Variants in OSBPL10 observed in about 807,000 individuals in gnomAD.
OSBPL10 encodes the protein oxysterol-binding protein-related protein 10.
Under a neutral mutation model 81.7 loss-of-function variants are expected in OSBPL10, and 49 were observed. The ratio of observed to expected loss-of-function variants is 0.60; its 90% confidence interval spans 0.48 to 0.76. The LOEUF (loss-of-function observed/expected upper bound fraction) is 0.76, where lower values mean the gene tolerates loss of function less well. Among genes scored for constraint, OSBPL10 ranks in the 30% least tolerant of loss-of-function variants. The pLI, the probability that OSBPL10 is intolerant of heterozygous loss-of-function variation, is 0.00. For missense variants in OSBPL10, 923 were observed against 987.8 expected (o/e 0.93, Z 0.88); for synonymous variants, 419 against 383.6 (o/e 1.09, Z -1.08).
intron 5 of OSBPL10, among the ~76,000 whole-genome samples, chr3:31,734,750 TA>T (rs148892354): frequency 6.6e-6 from 1 of 151,940 alleles, no homozygotes; most frequent in Non-Finnish European, 1.5e-5. Context: ...AAAAAGCTAA[TA>T]AAAAATAGAT....
At chr3:31,984,378 G>A (rs1006476977), upstream of OSBPL10, among the ~76,000 whole-genome samples, 1 of 151,800 alleles carries the variant, frequency 6.6e-6, no homozygotes, top group Non-Finnish European at 1.5e-5. Flanking sequence ...AGTTTGGTGG[G>A]CAGAGGGCTA....
intron 1 of OSBPL10, among the ~76,000 whole-genome samples, chr3:32,047,031 T>G (rs921218824): frequency 6.6e-6 from 1 of 152,184 alleles, no homozygotes; most frequent in Non-Finnish European, 1.5e-5. Flanking sequence ...AGACAGGGTC[T>G]TATTGTCACC....
At chr3:31,672,682 T>C (rs7643110) in intron 8 of OSBPL10, among the ~76,000 whole-genome samples, 75,284 of 151,938 alleles carry the variant, frequency 0.5, 21,430 homozygotes, top group African/African-American at 0.78. Flanking sequence ...TCACTCTCAG[T>C]TCTCAGTTAA....
At chr3:31,761,784 C>T (rs1698049022) in intron 4 of OSBPL10, among the ~76,000 whole-genome samples, 1 of 139,398 alleles carries the variant, frequency 7.2e-6, no homozygotes, top group Non-Finnish European at 1.5e-5. Flanking sequence ...CACCGCACTC[C>T]AGCCTGGGCA....
rs529452373 is a variant in OSBPL10 at position 31,849,930 on chromosome 3, C to G, written c.538-19699G>C. Reference sequence around the variant, plus strand: ...CTGTAATCCCAGCACTTTGGGAGACCGAAGTAAGCGGATCACCTGAGGTTG... The same window carrying G: ...CTGTAATCCCAGCACTTTGGGAGACGGAAGTAAGCGGATCACCTGAGGTTG... On this transcript the variant is annotated intron_variant, in intron 3 of 11. Transcript: ENST00000396556. Among the ~76,000 whole-genome samples, 13 of 152,134 alleles carry G rather than the reference C, an allele frequency of 8.5e-5. No homozygotes were observed. The South Asian group carries it at 2.3e-3, about 27-fold the overall frequency.
At chr3:31,946,309 A>G (rs538761083) in intron 1 of OSBPL10, among the ~76,000 whole-genome samples, 24 of 152,094 alleles carry the variant, frequency 1.6e-4, no homozygotes, top group Admixed American at 1.4e-3. Flanking sequence ...AAAAGGGGGA[A>G]CTCAAGTTTT....
chr3:31,966,985 A>T (rs909716829), intron 1 of OSBPL10, among the ~76,000 whole-genome samples: 1 of 152,152 alleles, frequency 6.6e-6, no homozygotes, highest in Non-Finnish European at 1.5e-5. Context: ...AGTATGAGCA[A>T]GTTCATGGAC....
At chr3:31,971,615 A>G (rs1325045633) in intron 1 of OSBPL10, among the ~76,000 whole-genome samples, 1 of 152,232 alleles carries the variant, frequency 6.6e-6, no homozygotes, top group Admixed American at 6.5e-5. Flanking sequence ...CTGGGATTTA[A>G]AAACAGGCTA....
chr3:31,821,964 G>A (rs1211553135), intron 4 of OSBPL10, among the ~76,000 whole-genome samples: 1 of 152,210 alleles, frequency 6.6e-6, no homozygotes, highest in Non-Finnish European at 1.5e-5. Flanking sequence ...AAATCATCCT[G>A]AAAGGAGAGA....
intron 1 of OSBPL10, among the ~76,000 whole-genome samples, chr3:31,903,332 T>TTG (rs1199300526): frequency 6.8e-6 from 1 of 148,054 alleles, no homozygotes; most frequent in Non-Finnish European, 1.5e-5. Flanking sequence ...CTTTTTAGGT[T>TTG]TTTTTTTTTT....
chr3:31,886,189 A>T (rs1695732410), intron 1 of OSBPL10, among the ~76,000 whole-genome samples: 1 of 152,090 alleles, frequency 6.6e-6, no homozygotes, highest in Non-Finnish European at 1.5e-5. Context: ...CAAAAAGCAA[A>T]ATCATTTCAT....
chr3:31,824,946 T>G (rs1441585159), intron 4 of OSBPL10, among the ~76,000 whole-genome samples: 1 of 152,118 alleles, frequency 6.6e-6, no homozygotes, highest in African/African-American at 2.4e-5. Context: ...ATGGAACATT[T>G]CTGTTTTGGC....
chr3:31,786,519 T>C (rs950899135), intron 4 of OSBPL10, among the ~76,000 whole-genome samples: 40 of 152,266 alleles, frequency 2.6e-4, no homozygotes, highest in African/African-American at 8.7e-4. Flanking sequence ...ATTTCTCATA[T>C]GGCACCTTCT....
intron 4 of OSBPL10, among the ~76,000 whole-genome samples, chr3:31,783,490 C>T (rs116030352): frequency 0.018 from 2,768 of 151,552 alleles, 79 homozygotes; most frequent in African/African-American, 0.062. Context: ...CACCTGTTCC[C>T]CAAAAACTAT....
chr3:31,954,194 AGAGG>A (rs1697946851), intron 1 of OSBPL10, among the ~76,000 whole-genome samples: 1 of 152,186 alleles, frequency 6.6e-6, no homozygotes, highest in Non-Finnish European at 1.5e-5. Context: ...ACCAGTCCCA[AGAGG>A]GAAGAAAAAG....
chr3:31,842,517 T>C (rs1045996136), intron 3 of OSBPL10, among the ~76,000 whole-genome samples: 1 of 152,200 alleles, frequency 6.6e-6, no homozygotes, highest in Admixed American at 6.5e-5. Context: ...GTTGTTGGGC[T>C]TTACATAAAA....
At chr3:31,900,687 G>T (rs2125676303) in intron 1 of OSBPL10, among the ~76,000 whole-genome samples, 1 of 152,328 alleles carries the variant, frequency 6.6e-6, no homozygotes, top group Admixed American at 6.5e-5. Flanking sequence ...TTGCATCAAT[G>T]TTAGATTTTC....
At chr3:32,002,799 A>G (rs1158912320) in intron 2 of OSBPL10, among the ~76,000 whole-genome samples, 1 of 152,190 alleles carries the variant, frequency 6.6e-6, no homozygotes, top group Non-Finnish European at 1.5e-5. Flanking sequence ...TGGGAGAAAT[A>G]CTATTTATTG....
chr3:32,073,562 C>T (rs1023276503), intron 1 of OSBPL10, among the ~76,000 whole-genome samples: 1 of 152,180 alleles, frequency 6.6e-6, no homozygotes, highest in African/African-American at 2.4e-5. Context: ...TTCTGAAGAA[C>T]AGTAATGACC....
Sources: allele counts gnomAD v4.1 joint callset (sites outside exome capture counted in the v4.1 genomes callset), GRCh38; gene constraint gnomAD v4.1.1; transcripts MANE v1.5; gene names NCBI Gene and HGNC (gene_info 2026-07-23, HGNC 2026-07-21).